The following MYRFL variants were observed in gnomAD, a reference collection of about 807,000 sequenced individuals.
MYRFL encodes the protein myelin regulatory factor-like protein.
Under a neutral mutation model 109.4 loss-of-function variants are expected in MYRFL, and 88 were observed. That is an observed-to-expected ratio of 0.80 (90% CI 0.68 to 0.96). The LOEUF is 0.96. MYRFL is among the 40% of genes least tolerant of loss of function. The pLI is 0.00. For synonymous variants in MYRFL, 324 were observed against 320.9 expected (o/e 1.01, Z -0.10); for missense variants, 957 against 954.9 (o/e 1.00, Z -0.03).
intron 1 of MYRFL, among the ~76,000 whole-genome samples, chr12:69,853,636 C>T (rs554832109): frequency 3.0e-4 from 43 of 144,988 alleles, no homozygotes; most frequent in South Asian, 6.8e-4. Flanking sequence ...CCAGACTGGG[C>T]GGCTGGGCAG....
intron 8 of MYRFL, 149 bp downstream of exon 8, chr12:69,893,989 ATTTTT>A (rs60637559): frequency 2.7e-4 from 31 of 113,152 alleles, no homozygotes; most frequent in Non-Finnish European, 3.9e-4. Flanking sequence ...AATAATGTTA[ATTTTT>A]TTTTTTTTTT....
chr12:69,882,803 A>G (rs1046072760), intron 5 of MYRFL, among the ~76,000 whole-genome samples: 2 of 152,162 alleles, frequency 1.3e-5, no homozygotes, highest in Non-Finnish European at 2.9e-5. Flanking sequence ...TTTGAACCTC[A>G]AATACAAAAG....
At chr12:69,835,182 G>T (rs1030493038) in intron 1 of MYRFL, among the ~76,000 whole-genome samples, 2 of 152,162 alleles carry the variant, frequency 1.3e-5, no homozygotes, top group Non-Finnish European at 2.9e-5. Flanking sequence ...GGCCGGGGTG[G>T]TATAAAATTC....
intron 19 of MYRFL, among the ~76,000 whole-genome samples, chr12:69,937,714 T>C (rs1234890011): frequency 6.6e-6 from 1 of 152,236 alleles, no homozygotes; most frequent in African/African-American, 2.4e-5. Flanking sequence ...ATGGAGAAGA[T>C]GAACCAGAAT....
chr12:69,931,940 T>C (rs936082504), intron 15 of MYRFL, among the ~76,000 whole-genome samples: 1 of 152,198 alleles, frequency 6.6e-6, no homozygotes, highest in African/African-American at 2.4e-5. Context: ...ATAAATATTG[T>C]TGAATGAATA....
chr12:69,880,482 A>G (rs117772622), intron 5 of MYRFL, among the ~76,000 whole-genome samples, 190 bp downstream of exon 5: 1 of 152,236 alleles, frequency 6.6e-6, no homozygotes, highest in East Asian at 1.9e-4. Context: ...AGGTCCTCCT[A>G]GGAAGAGATG....
At chr12:69,903,500 A>C in intron 10 of MYRFL, 144 bp from the exon 11 acceptor site, 1 of 923,404 alleles carries the variant, frequency 1.1e-6, no homozygotes. Flanking sequence ...AATTACTTGG[A>C]TATGTCAGAA....
chr12:69,866,583 G>T (rs1885028427), intron 2 of MYRFL, among the ~76,000 whole-genome samples: 1 of 151,956 alleles, frequency 6.6e-6, no homozygotes, highest in Non-Finnish European at 1.5e-5. Context: ...TTCAGACCTG[G>T]GTTTACTACA....
At chr12:69,835,575 T>G (rs1247158500) in intron 1 of MYRFL, among the ~76,000 whole-genome samples, 2 of 152,218 alleles carry the variant, frequency 1.3e-5, no homozygotes, top group African/African-American at 4.8e-5. Context: ...CTGCCCTTGT[T>G]CCTATCTGTG....
chr12:69,898,670 A>G (rs562447752), intron 10 of MYRFL, among the ~76,000 whole-genome samples: 1 of 152,366 alleles, frequency 6.6e-6, no homozygotes, highest in East Asian at 1.9e-4. Context: ...CATTCTTTTC[A>G]GAGTTAGCAT....
At chr12:69,938,846 C>A (rs1037174437) in intron 19 of MYRFL, among the ~76,000 whole-genome samples, 1 of 152,030 alleles carries the variant, frequency 6.6e-6, no homozygotes, top group African/African-American at 2.4e-5. Context: ...GCACCGTGCG[C>A]GAGCCGAAGC....
intron 13 of MYRFL, among the ~76,000 whole-genome samples, chr12:69,921,899 C>A (rs541801470): frequency 6.6e-6 from 1 of 151,350 alleles, no homozygotes; most frequent in Non-Finnish European, 1.5e-5. Flanking sequence ...GCAGAAAGAA[C>A]TTTCTGCGGT....
At chr12:69,936,956 T>A (rs1955489017) in intron 19 of MYRFL, among the ~76,000 whole-genome samples, 1 of 152,160 alleles carries the variant, frequency 6.6e-6, no homozygotes, top group South Asian at 2.1e-4. Flanking sequence ...TGGGCTCATT[T>A]AGAGTTTAAA....
chr12:69,832,255 C>G lies in MYRFL; in HGVS notation c.46+6692C>G, dbSNP rs77805141. Among the ~76,000 whole-genome samples the G allele has an allele frequency of 3.1e-3, 465 of 152,236 alleles. 7 individuals carry two copies. In the East Asian group the frequency reaches 0.046, roughly 15 times the overall value. On this transcript the variant is annotated intron_variant, in intron 1 of 24. Transcript: ENST00000552032. ...GCTTTCTCCCCCTGGCCTCATGACT[C>G]TGTTTTAGTTGGCTATGACAAGAAT... is the stretch of plus-strand genomic sequence containing the variant.
intron 2 of MYRFL, among the ~76,000 whole-genome samples, chr12:69,860,352 A>G (rs1884568133): frequency 6.6e-6 from 1 of 152,064 alleles, no homozygotes; most frequent in Admixed American, 6.6e-5. Context: ...TCTATCATTG[A>G]TGGACATTTA....
chr12:69,936,087 T>TG (rs1955450293), intron 16 of MYRFL, 26 bp from the exon 17 acceptor site: 7 of 1,331,270 alleles, frequency 5.3e-6, no homozygotes, highest in Admixed American at 3.1e-5. Flanking sequence ...TGTTTTTTTT[T>TG]TTTTTTTTTT....
At chr12:69,849,828 C>T (rs1283128923) in intron 1 of MYRFL, among the ~76,000 whole-genome samples, 1 of 151,996 alleles carries the variant, frequency 6.6e-6, no homozygotes, top group Non-Finnish European at 1.5e-5. Flanking sequence ...GATCAATTGC[C>T]CTCAATCCTA....
chr12:69,938,719 T>A (rs1018446648), intron 19 of MYRFL, among the ~76,000 whole-genome samples: 1 of 152,198 alleles, frequency 6.6e-6, no homozygotes, highest in Non-Finnish European at 1.5e-5. Flanking sequence ...ACAGCTCCGG[T>A]CTACAGCTCC....
At chr12:69,880,951 G>GTTTTTTT (rs71094746) in intron 5 of MYRFL, among the ~76,000 whole-genome samples, 5,530 of 111,812 alleles carry the variant, frequency 0.049, 393 homozygotes, top group African/African-American at 0.06. Context: ...CAGCCTTCCT[G>GTTTTTTT]TTTTTTTTTT....
Sources: gnomAD v4.1 joint callset for allele counts (sites outside exome capture counted in the v4.1 genomes callset) on GRCh38, gnomAD v4.1.1 for gene constraint, MANE v1.5 for transcripts, NCBI Gene and HGNC (gene_info 2026-07-23, HGNC 2026-07-21) for gene names.